Variants in COL5A2 observed in about 807,000 individuals in gnomAD.
The protein encoded by COL5A2 is collagen type V alpha 2 chain.
Under a neutral mutation model 208.2 loss-of-function variants are expected in COL5A2, and 23 were observed. That is an observed-to-expected ratio of 0.11 (90% CI 0.08 to 0.16). The LOEUF is 0.16. Among genes scored for constraint, COL5A2 ranks in the 10% least tolerant of loss-of-function variants. The pLI is 1.00. For synonymous variants in COL5A2, 625 were observed against 628.5 expected (o/e 0.99, Z 0.08); for missense variants, 1,590 against 1,956.4 (o/e 0.81, Z 3.53).
chr2:189,323,285 A>C, the COL5A2 span, among the ~76,000 whole-genome samples: 1 of 151,874 alleles, frequency 6.6e-6, no homozygotes, highest in African/African-American at 2.4e-5. Context: ...CTCTCTCACC[A>C]CTCCTATTCA....
the COL5A2 span, among the ~76,000 whole-genome samples, chr2:189,391,514 G>GT: frequency 1.3e-5 from 2 of 152,072 alleles, no homozygotes; most frequent in Non-Finnish European, 2.9e-5. Context: ...GCAATCTAGT[G>GT]TATCAGAAGA....
At chr2:189,131,486 G>A (rs1687714125) in intron 1 of COL5A2, among the ~76,000 whole-genome samples, 1 of 152,106 alleles carries the variant, frequency 6.6e-6, no homozygotes, top group East Asian at 1.9e-4. Context: ...TAATGAATTA[G>A]ATAGTCTTAA....
rs1686646764 is a variant in COL5A2, at chr2:189,085,850, G to A, written c.691-78C>T. The A allele has an allele frequency of 4.1e-6, 5 of 1,213,102 alleles. No individual in the cohort carries two copies. In the Admixed American group the frequency reaches 5.3e-5, roughly 13 times the overall value. The allele number at this position is 1,213,102 out of a possible 1,614,324, so 75.1% of individuals were successfully genotyped here. A position where few individuals can be genotyped will look rare whatever the true frequency, so the allele number is the denominator to read the frequency against. On this transcript the variant is annotated intron_variant, in intron 9 of 53. Coordinates refer to ENST00000374866, the MANE Select transcript of COL5A2 (RefSeq NM_000393.5). ...ACCCTGTACTCTGTCAATATACAGTGTAATTGTTTAGACAGTTGGCTCTGC... is the reference window on the plus strand; with the variant it reads ...ACCCTGTACTCTGTCAATATACAGTATAATTGTTTAGACAGTTGGCTCTGC...
At chr2:189,421,903 C>T in the COL5A2 span, among the ~76,000 whole-genome samples, 3 of 152,152 alleles carry the variant, frequency 2.0e-5, no homozygotes, top group Non-Finnish European at 4.4e-5. Flanking sequence ...AAGATTCCAG[C>T]CTGGCATTGT....
the COL5A2 span, among the ~76,000 whole-genome samples, chr2:189,321,621 C>T: frequency 6.6e-6 from 1 of 152,062 alleles, no homozygotes; most frequent in Non-Finnish European, 1.5e-5. Context: ...GCTAACTATC[C>T]TAAATATATA....
chr2:189,351,326 A>G, the COL5A2 span, among the ~76,000 whole-genome samples: 3 of 152,234 alleles, frequency 2.0e-5, no homozygotes, highest in African/African-American at 4.8e-5. Flanking sequence ...AAGTTTTTGC[A>G]AAGATATTCA....
the COL5A2 span, among the ~76,000 whole-genome samples, chr2:189,277,046 A>C: frequency 6.6e-6 from 1 of 152,128 alleles, no homozygotes; most frequent in Non-Finnish European, 1.5e-5. Context: ...CATCAACTAT[A>C]AAACTTTGGG....
chr2:189,296,756 C>T, the COL5A2 span, among the ~76,000 whole-genome samples: 1 of 152,194 alleles, frequency 6.6e-6, no homozygotes. Context: ...ACTCCAAACT[C>T]TGTCCCTCTC....
the COL5A2 span, among the ~76,000 whole-genome samples, chr2:189,255,249 C>T: frequency 6.6e-6 from 1 of 152,184 alleles, no homozygotes; most frequent in African/African-American, 2.4e-5. Context: ...TATTAAAAGT[C>T]CAATTCAAAT....
rs2153507018 is a variant in COL5A2, at chr2:189,043,274, T to C, written c.3364-16A>G. 6.4e-7 allele frequency: 1 copy of C among 1,572,112 alleles called. No homozygotes were observed. The highest frequency in any genetic ancestry group is 2.2e-5 in the East Asian group (1 of 44,666). ...CTTGGGGTCCCTAGAAATAGAGATA[T>C]GGCATGAAAATTACTTGCTACATAT... On this transcript the variant is annotated splice_polypyrimidine_tract_variant and intron_variant, in intron 47 of 53. Transcript: ENST00000374866.
chr2:189,179,588 G>A lies in COL5A2; in HGVS notation c.17C>T (p.Ala6Val). 2 of 1,606,312 alleles carry A rather than the reference G, an allele frequency of 1.2e-6. No homozygotes were observed. Among genetic ancestry groups the A allele is most frequent in the Non-Finnish European group, 1.7e-6 (2 of 1,175,362 alleles). Residue 6 changes from alanine to valine, a missense_variant, in exon 1 of 54, where the codon GCG (alanine) becomes GTG (valine). By Grantham distance (64) the Ala-to-Val change is moderately conservative (BLOSUM62 0). Coordinates refer to ENST00000374866, the MANE Select transcript of COL5A2 (RefSeq NM_000393.5). ...AAGAATGAGGAGAGGTCTTGCTTCC[G>A]CCCAGTTTGCCATCATGTCTAAATA... MMANW[A>V]EARPLLILIV...
the COL5A2 span, among the ~76,000 whole-genome samples, chr2:189,428,350 T>C: frequency 6.6e-6 from 1 of 152,198 alleles, no homozygotes; most frequent in Non-Finnish European, 1.5e-5. Flanking sequence ...CCAGGCATGG[T>C]GGCTCACACC....
the COL5A2 span, among the ~76,000 whole-genome samples, chr2:189,321,871 T>C: frequency 6.6e-6 from 1 of 152,196 alleles, no homozygotes; most frequent in East Asian, 1.9e-4. Context: ...CAACAGAATA[T>C]ACATTCTTCT....
rs1281850134 is a variant in COL5A2, at chr2:189,068,118, T to G, written c.1303-5A>C. 1 of 1,611,620 alleles carries G rather than the reference T, an allele frequency of 6.2e-7. No homozygotes were observed. The highest frequency in any genetic ancestry group is 1.1e-5 in the South Asian group (1 of 91,034). The stretch of plus-strand genomic sequence containing the variant: ...ACCAGAGGTACCTGGAGAGCCCTAT[T>G]AAACAGCAAGAGTGATGTGGTAAGT... On this transcript the variant is annotated splice_polypyrimidine_tract_variant and splice_region_variant and intron_variant, in intron 20 of 53. Coordinates refer to ENST00000374866, the MANE Select transcript of COL5A2 (RefSeq NM_000393.5).
chr2:189,212,652 AG>A (rs1424314792), intron 1 of COL5A2, among the ~76,000 whole-genome samples: 1 of 150,958 alleles, frequency 6.6e-6, no homozygotes, highest in Non-Finnish European at 1.5e-5. Context: ...AAAAAAAAAA[AG>A]TATCTGCCAG....
chr2:189,176,529 G>T (rs1338643833), intron 1 of COL5A2, among the ~76,000 whole-genome samples: 1 of 152,056 alleles, frequency 6.6e-6, no homozygotes, highest in East Asian at 1.9e-4. Flanking sequence ...TCATAACAAA[G>T]ATTATTTTCT....
chr2:189,403,495 T>C, the COL5A2 span, among the ~76,000 whole-genome samples: 1 of 152,336 alleles, frequency 6.6e-6, no homozygotes, highest in East Asian at 1.9e-4. Context: ...TGTCTTGTGC[T>C]GATTTTCAAA....
the COL5A2 span, among the ~76,000 whole-genome samples, chr2:189,245,988 T>C: frequency 6.6e-6 from 1 of 152,222 alleles, no homozygotes; most frequent in Non-Finnish European, 1.5e-5. Context: ...AAAAACAAAT[T>C]AGACTTCCAT....
At chr2:189,300,314 G>A in the COL5A2 span, among the ~76,000 whole-genome samples, 1 of 152,096 alleles carries the variant, frequency 6.6e-6, no homozygotes, top group Non-Finnish European at 1.5e-5. Flanking sequence ...CACATTCTCA[G>A]AAGATAATCA....
Sources: allele counts gnomAD v4.1 joint callset (sites outside exome capture counted in the v4.1 genomes callset), GRCh38; gene constraint gnomAD v4.1.1; transcripts MANE v1.5; gene names NCBI Gene and HGNC (gene_info 2026-07-23, HGNC 2026-07-21).